ZGPAT: variants seen among roughly 807,000 people sequenced by gnomAD.
ZGPAT encodes zinc finger CCCH-type and G-patch domain containing.
In ZGPAT, 39 loss-of-function variants were observed where a neutral mutation model predicts 47.9. That is an observed-to-expected ratio of 0.81 (90% confidence interval 0.63 to 1.06). ZGPAT has a LOEUF of 1.06. ZGPAT is among the 50% of genes least tolerant of loss of function. ZGPAT has a pLI of 0.00. For synonymous variants in ZGPAT, 348 were observed against 292.9 expected (o/e 1.19, Z -1.92); for missense variants, 717 against 681.4 (o/e 1.05, Z -0.58).
chr20:63,715,645 A>C (rs1304994670), intron 2 of ZGPAT, among the ~76,000 whole-genome samples: 1 of 151,990 alleles, frequency 6.6e-6, no homozygotes, highest in Non-Finnish European at 1.5e-5. Context: ...TTGATAAGGG[A>C]TATTGGTCTG....
At chr20:63,725,053 C>T (rs1473935239) in intron 2 of ZGPAT, among the ~76,000 whole-genome samples, 4 of 148,858 alleles carry the variant, frequency 2.7e-5, no homozygotes, top group Non-Finnish European at 4.4e-5. Flanking sequence ...GGCACGATCT[C>T]GGCTCACTGC....
intron 2 of ZGPAT, among the ~76,000 whole-genome samples, chr20:63,731,381 T>C (rs2091899938): frequency 6.6e-6 from 1 of 150,416 alleles, no homozygotes; most frequent in Non-Finnish European, 1.5e-5. Context: ...CATACGTGTG[T>C]AAAGTGTACA....
intron 2 of ZGPAT, among the ~76,000 whole-genome samples, chr20:63,717,446 C>A (rs898162234): frequency 6.7e-6 from 1 of 150,308 alleles, no homozygotes; most frequent in Non-Finnish European, 1.5e-5. Flanking sequence ...GCCGCCCAGG[C>A]GATTCTCCTG....
chr20:63,735,425 A>C lies in ZGPAT; in HGVS notation c.1258A>C (p.Arg420=). The C allele has an allele frequency of 6.4e-7, 1 of 1,572,846 alleles. No individual in the cohort carries two copies. The highest frequency in any genetic ancestry group is 8.6e-7 in the Non-Finnish European group (1 of 1,161,942). The part of the protein sequence containing the change: ...LEAGAAPAGR[R]SKDMYHASKS... ...AGCCGGGGCGGCCCCAGCGGGGAGG[A>C]GGAGCAAGGACATGTACCATGCCAG... Residue 420 remains arginine, a synonymous_variant, in exon 6 of 7, where the codon AGG becomes CGG. Transcript: ENST00000355969.
chr20:63,733,794 G>A (rs915363192), intron 4 of ZGPAT, 55 bp downstream of exon 4: 2 of 1,558,354 alleles, frequency 1.3e-6, no homozygotes, highest in Non-Finnish European at 8.7e-7. Flanking sequence ...ACCCTGAGAG[G>A]CTCCTGGCCG....
At chr20:63,728,971 A>AAC (rs1251201867) in intron 2 of ZGPAT, among the ~76,000 whole-genome samples, 1 of 152,188 alleles carries the variant, frequency 6.6e-6, no homozygotes, top group African/African-American at 2.4e-5. Flanking sequence ...CAGAACTCTG[A>AAC]AAAGTTCTAA....
rs1461082827 is a variant in ZGPAT, at chr20:63,734,728, T to A, written c.895T>A (p.Ser299Thr). 8 of 1,614,062 alleles carry A rather than the reference T, an allele frequency of 5.0e-6. No homozygotes were observed. Among genetic ancestry groups the A allele is most frequent in the Non-Finnish European group, 6.8e-6 (8 of 1,179,954 alleles). The change falls in exon 5 of 7, where the codon TCT (serine) becomes ACT (threonine). Residue 299 changes from serine (S) to threonine (T), a missense_variant. By Grantham distance (58) the Ser-to-Thr change is moderately conservative (BLOSUM62 1). Transcript: ENST00000355969. Reference protein sequence around the residue: ...ARVVGSDAVDSGTCSSAFAGW... With the variant: ...ARVVGSDAVDTGTCSSAFAGW... ...AGTGGTGGGGTCAGATGCTGTGGAC[T>A]CTGGGACCTGCAGCTCTGCCTTTGC... is the stretch of plus-strand genomic sequence containing the variant.
intron 2 of ZGPAT, among the ~76,000 whole-genome samples, chr20:63,721,072 C>CT (rs2091782030): frequency 6.7e-6 from 1 of 149,084 alleles, no homozygotes; most frequent in Non-Finnish European, 1.5e-5. Context: ...GATAAAGAGG[C>CT]CGGGCGCAGT....
rs1253495715 is a variant in ZGPAT at position 63,710,152 on chromosome 20, G to T, written c.584+988G>T. On this transcript the variant is annotated intron_variant, in intron 2 of 6. Coordinates refer to ENST00000355969, the MANE Select transcript of ZGPAT (RefSeq NM_181485.3). ...TGGGATGACAAGCGTGAGCCACCGC[G>T]CCTGGCCTTTTTTTTTTGGAGACAG... Among the ~76,000 whole-genome samples, 4 of 147,272 alleles carry T rather than the reference G, an allele frequency of 2.7e-5. No individual in the cohort carries two copies. In the East Asian group the frequency reaches 8.1e-4, roughly 30 times the overall value.
chr20:63,727,328 G>A (rs1173430420), intron 2 of ZGPAT, among the ~76,000 whole-genome samples: 1 of 150,072 alleles, frequency 6.7e-6, no homozygotes, highest in Non-Finnish European at 1.5e-5. Context: ...GCAACCCTCT[G>A]CCTTCTGGGT....
At chr20:63,732,429 G>C (rs1310903866) in intron 2 of ZGPAT, among the ~76,000 whole-genome samples, 1 of 38,862 alleles carries the variant, frequency 2.6e-5, no homozygotes, top group Non-Finnish European at 5.7e-5. Context: ...GGTGAGAGAT[G>C]TGTGCGCATG....
In ZGPAT at chr20:63,717,332, C is replaced by CTTT. The variant is rs1173734420; in HGVS notation, c.584+8191_584+8193dup. Reference sequence around the variant, plus strand: ...TGATTTGAGATCTCTTTTTTCTTTTCTTTTTTTTTTTTTTTTTTTTTTTTT... The same window carrying CTTT: ...TGATTTGAGATCTCTTTTTTCTTTTCTTTTTTTTTTTTTTTTTTTTTTTTTTTT... On this transcript the variant is annotated intron_variant, in intron 2 of 6. Coordinates refer to ENST00000355969, the MANE Select transcript of ZGPAT (RefSeq NM_181485.3). Among the ~76,000 whole-genome samples the CTTT allele has an allele frequency of 6.6e-4, 40 of 60,978 alleles. 1 individual carries two copies. The highest frequency in any genetic ancestry group is 1.2e-3 in the East Asian group (2 of 1,718). 40.0% of individuals were successfully genotyped at this position (60,978 alleles called of 152,430 possible).
chr20:63,729,986 C>T (rs2091880128), intron 2 of ZGPAT: 1 of 149,184 alleles, frequency 6.7e-6, no homozygotes, highest in Admixed American at 6.7e-5. Context: ...CTACCATGCA[C>T]TTCAGCCTGG....
At chr20:63,734,202 G>A (rs1261945879) in intron 4 of ZGPAT, 4 of 267,454 alleles carry the variant, frequency 1.5e-5, no homozygotes, top group East Asian at 1.0e-4. Flanking sequence ...AGGGGTGTGT[G>A]TATGCGTGTG....
chr20:63,732,148 CAT>C (rs1178484970), intron 2 of ZGPAT, among the ~76,000 whole-genome samples: 1 of 151,936 alleles, frequency 6.6e-6, no homozygotes, highest in East Asian at 1.9e-4. Context: ...CGTGAGGGTG[CAT>C]GTGTGTGCGC....
In ZGPAT at chr20:63,735,877, G is replaced by C. The variant is rs749787061; in HGVS notation, c.1494G>C (p.Glu498Asp). 1 of 1,612,930 alleles carries C rather than the reference G, an allele frequency of 6.2e-7. No individual in the cohort carries two copies. Among genetic ancestry groups the C allele is most frequent in the Non-Finnish European group, 8.5e-7 (1 of 1,179,930 alleles). ...LRAQEAGLQQ[E>D]QRKADTHKKM... ...CTCAGGAAGCCGGCCTGCAGCAGGA[G>C]CAGAGGAAGGCAGACACCCACAAGA... The change falls in exon 7 of 7, where the codon GAG (glutamate) becomes GAC (aspartate). Residue 498 changes from glutamate (E) to aspartate (D), a missense_variant. By Grantham distance (45) the Glu-to-Asp change is conservative (BLOSUM62 2). Transcript: ENST00000355969.
At chr20:63,731,602 G>T (rs6122157) in intron 2 of ZGPAT, among the ~76,000 whole-genome samples, 27,696 of 148,066 alleles carry the variant, frequency 0.19, 3,675 homozygotes, top group East Asian at 0.61. Flanking sequence ...AAAGTGTACA[G>T]TTGGCCCTTG....
Position 63,708,616 on chromosome 20 carries a change from C to T in ZGPAT, c.36C>T (p.Thr12=). The stretch of plus-strand genomic sequence containing the variant: ...AGAGCCTGGAGTCGGCCTTGCAGAC[C>T]TACCGTGCGCAGCTGCAGCAGGTGG... ...DEESLESALQ[T]YRAQLQQVEL... Residue 12 remains threonine (T), a synonymous_variant, in exon 2 of 7, where the codon ACC becomes ACT. Coordinates refer to ENST00000355969, the MANE Select transcript of ZGPAT (RefSeq NM_181485.3). 6.2e-7 allele frequency: 1 copy of T among 1,610,278 alleles called. No individual in the cohort carries two copies. Among genetic ancestry groups the T allele is most frequent in the Middle Eastern group, 1.7e-4 (1 of 6,034 alleles).
intron 4 of ZGPAT, 200 bp downstream of exon 4, chr20:63,733,939 C>T (rs2091949506): frequency 3.1e-6 from 2 of 642,078 alleles, no homozygotes; most frequent in Non-Finnish European, 5.2e-6. Flanking sequence ...GTGGGTGCAA[C>T]AGCTACAGTC....
Sources: gnomAD v4.1 joint callset for allele counts (sites outside exome capture counted in the v4.1 genomes callset) on GRCh38, gnomAD v4.1.1 for gene constraint, MANE v1.5 for transcripts, NCBI Gene and HGNC (gene_info 2026-07-23, HGNC 2026-07-21) for gene names.